Variants in JARID2 observed in about 807,000 individuals in gnomAD.
The protein encoded by JARID2 is jumonji and AT-rich interaction domain containing 2, also known as protein Jumonji.
A neutral mutation model predicts 125.6 loss-of-function variants in JARID2; 21 were observed. The ratio of observed to expected loss-of-function variants is 0.17; its 90% CI spans 0.12 to 0.24. The LOEUF (loss-of-function observed/expected upper bound fraction) is 0.24. Ranked by LOEUF, JARID2 falls within the 10% of genes least tolerant of loss-of-function variation. JARID2 has a pLI of 1.00. For missense variants in JARID2, 1,303 were observed against 1,639.6 expected (o/e 0.79, Z 3.55); for synonymous variants, 736 against 661.6 (o/e 1.11, Z -1.73).
intron 5 of JARID2, among the ~76,000 whole-genome samples, chr6:15,470,176 CAAA>C (rs34467447): frequency 3.1e-5 from 4 of 128,898 alleles, no homozygotes; most frequent in African/African-American, 8.7e-5. Flanking sequence ...GACTCTGTCT[CAAA>C]AAAAAAAAAA....
intron 2 of JARID2, among the ~76,000 whole-genome samples, chr6:15,393,913 AAAAC>A (rs1404126952): frequency 6.6e-6 from 1 of 152,196 alleles, no homozygotes. Flanking sequence ...TCCAAACAAA[AAAAC>A]AAAAACTGTA....
At chr6:15,519,279 C>T (rs2127776771) in intron 17 of JARID2, among the ~76,000 whole-genome samples, 1 of 152,310 alleles carries the variant, frequency 6.6e-6, no homozygotes, top group African/African-American at 2.4e-5. Context: ...CTCAAGCAGC[C>T]ATGACTATGG....
At chr6:15,416,213 C>G (rs188484606) in intron 3 of JARID2, among the ~76,000 whole-genome samples, 1,714 of 149,520 alleles carry the variant, frequency 0.011, 26 homozygotes, top group Non-Finnish European at 0.014. Context: ...ACTGGGTAGC[C>G]AGGCCGAGGG....
intron 16 of JARID2, among the ~76,000 whole-genome samples, chr6:15,515,958 G>A (rs1343912706): frequency 3.4e-5 from 5 of 148,580 alleles, no homozygotes; most frequent in African/African-American, 1.0e-4. Flanking sequence ...AGCCGAGATC[G>A]CGCCATCGCC....
At chr6:15,388,588 A>T (rs949037164) in intron 2 of JARID2, among the ~76,000 whole-genome samples, 8 of 147,300 alleles carry the variant, frequency 5.4e-5, no homozygotes, top group East Asian at 2.0e-4. Flanking sequence ...TATATTATAA[A>T]ATATATATAT....
At chr6:15,377,827 C>T (rs527382563) in intron 2 of JARID2, among the ~76,000 whole-genome samples, 3 of 125,388 alleles carry the variant, frequency 2.4e-5, no homozygotes, top group Admixed American at 1.7e-4. Flanking sequence ...CCACCTGTCC[C>T]GAGCCAGGAT....
chr6:15,387,952 A>G (rs1764851140), intron 2 of JARID2, among the ~76,000 whole-genome samples: 1 of 152,070 alleles, frequency 6.6e-6, no homozygotes, highest in Non-Finnish European at 1.5e-5. Flanking sequence ...GCCATTTTTT[A>G]TTCTTGACGT....
chr6:15,381,672 G>A (rs147016240), intron 2 of JARID2, among the ~76,000 whole-genome samples: 1 of 152,330 alleles, frequency 6.6e-6, no homozygotes, highest in African/African-American at 2.4e-5. Context: ...CTTTTTTGAT[G>A]TAGTGATGTA....
chr6:15,334,993 T>G (rs1762830694), intron 1 of JARID2, among the ~76,000 whole-genome samples: 1 of 152,204 alleles, frequency 6.6e-6, no homozygotes, highest in African/African-American at 2.4e-5. Flanking sequence ...CCTTACTTTC[T>G]CTCTTGATTT....
chr6:15,341,075 G>C (rs770115320), intron 1 of JARID2, among the ~76,000 whole-genome samples: 3 of 152,098 alleles, frequency 2.0e-5, no homozygotes, highest in Non-Finnish European at 4.4e-5. Flanking sequence ...TTATACCCAC[G>C]CTCTCCTTCC....
At chr6:15,278,501 G>A (rs1760623159) in intron 1 of JARID2, among the ~76,000 whole-genome samples, 1 of 152,026 alleles carries the variant, frequency 6.6e-6, no homozygotes, top group East Asian at 1.9e-4. Flanking sequence ...CAGGAGAATG[G>A]CGTGAACCCG....
At chr6:15,504,824 G>T (rs1770917982) in intron 9 of JARID2, among the ~76,000 whole-genome samples, 1 of 152,184 alleles carries the variant, frequency 6.6e-6, no homozygotes, top group Non-Finnish European at 1.5e-5. Context: ...GGGAGCTGCC[G>T]AGTGCAGGGG....
chr6:15,500,130 A>G (rs1770661077), intron 7 of JARID2, among the ~76,000 whole-genome samples: 1 of 151,970 alleles, frequency 6.6e-6, no homozygotes, highest in African/African-American at 2.4e-5. Context: ...CTCCATTCCC[A>G]TCTAGAAAAG....
At chr6:15,347,779 G>A (rs1251600731) in intron 1 of JARID2, among the ~76,000 whole-genome samples, 3 of 152,110 alleles carry the variant, frequency 2.0e-5, no homozygotes, top group Non-Finnish European at 2.9e-5. Context: ...GTGCAGTGGC[G>A]CTATCATGGC....
rs1489881393 is a variant in JARID2 at position 15,504,529 on chromosome 6, T to C, written c.2478T>C (p.Tyr826=). The C allele has an allele frequency of 6.2e-7, 1 of 1,614,090 alleles. No individual in the cohort carries two copies. Among genetic ancestry groups the C allele is most frequent in the Non-Finnish European group, 8.5e-7 (1 of 1,179,922 alleles). The change falls in exon 9 of 18, where the codon TAT becomes TAC. Residue 826 remains tyrosine (Y), a synonymous_variant. Coordinates refer to ENST00000341776, the MANE Select transcript of JARID2 (RefSeq NM_004973.4). Reference sequence around the variant, plus strand: ...GGTCTGTTTCTCTAACAACTTTTTATCGAACAGCGAGGAATATCATGAGCA... The same window carrying C: ...GGTCTGTTTCTCTAACAACTTTTTACCGAACAGCGAGGAATATCATGAGCA... ...KGRSVSLTTF[Y]RTARNIMSMC...
chr6:15,420,269 G>T (rs1766423624), intron 3 of JARID2, among the ~76,000 whole-genome samples: 1 of 152,040 alleles, frequency 6.6e-6, no homozygotes, highest in Admixed American at 6.6e-5. Flanking sequence ...TGGGCGTGGT[G>T]GTGCGCATCT....
chr6:15,483,547 T>C (rs1467485681), intron 5 of JARID2, among the ~76,000 whole-genome samples: 1 of 152,242 alleles, frequency 6.6e-6, no homozygotes, highest in African/African-American at 2.4e-5. Flanking sequence ...TCACACATTA[T>C]AGAATATACC....
chr6:15,257,648 G>A (rs142353575), intron 1 of JARID2, among the ~76,000 whole-genome samples: 147 of 152,268 alleles, frequency 9.7e-4, no homozygotes, highest in African/African-American at 3.3e-3. Flanking sequence ...ACTTAGAAGT[G>A]CCCGTATTTA....
intron 1 of JARID2, among the ~76,000 whole-genome samples, chr6:15,338,222 C>T (rs548492112): frequency 2.6e-5 from 4 of 152,264 alleles, no homozygotes; most frequent in African/African-American, 4.8e-5. Flanking sequence ...CCTGAGTTTT[C>T]GCTGAAAGAA....
Sources: gnomAD v4.1 joint callset for allele counts (sites outside exome capture counted in the v4.1 genomes callset) on GRCh38, gnomAD v4.1.1 for gene constraint, MANE v1.5 for transcripts, NCBI Gene and HGNC (gene_info 2026-07-23, HGNC 2026-07-21) for gene names.